The following DOCK8 variants were observed in gnomAD, a reference collection of about 807,000 sequenced individuals.
DOCK8 encodes dedicator of cytokinesis protein 8.
A neutral mutation model predicts 245.6 loss-of-function variants in DOCK8; 141 were observed. The observed-to-expected ratio is 0.57, with a 90% CI of 0.50 to 0.66. The LOEUF (loss-of-function observed/expected upper bound fraction) is 0.66. DOCK8 is among the 30% of genes least tolerant of loss of function. DOCK8 has a pLI of 0.00. For synonymous variants in DOCK8, 1,168 were observed against 970.2 expected (o/e 1.20, Z -3.79); for missense variants, 2,965 against 2,603.4 (o/e 1.14, Z -3.02).
intron 12 of DOCK8, among the ~76,000 whole-genome samples, chr9:337,983 G>T (rs1413349141): frequency 1.3e-5 from 2 of 152,006 alleles, no homozygotes; most frequent in East Asian, 3.9e-4. Context: ...GTGAACCCCC[G>T]TCTCTACTAA....
intron 4 of DOCK8, among the ~76,000 whole-genome samples, chr9:294,737 A>G (rs2049182258): frequency 6.6e-6 from 1 of 152,260 alleles, no homozygotes; most frequent in Non-Finnish European, 1.5e-5. Context: ...GATTGTACTC[A>G]GTTGGGTAGT....
intron 4 of DOCK8, among the ~76,000 whole-genome samples, chr9:300,827 G>A (rs785860): frequency 0.91 from 138,253 of 152,232 alleles, 62,826 homozygotes; most frequent in Admixed American, 0.93. Flanking sequence ...CAGACCAATA[G>A]TGAGTTCTGA....
chr9:418,031 G>T, intron 29 of DOCK8, 37 bp from the exon 30 acceptor site: 1 of 1,613,884 alleles, frequency 6.2e-7, no homozygotes, highest in Non-Finnish European at 8.5e-7. Context: ...GAAATGTCAT[G>T]TTTGACTTGA....
Position 434,941 on chromosome 9 carries a change from A to C in DOCK8, c.5045A>C (p.His1682Pro), listed in dbSNP as rs1404668054. 6.2e-7 allele frequency: 1 copy of C among 1,613,342 alleles called. No homozygotes were observed. The highest frequency in any genetic ancestry group is 1.1e-5 in the South Asian group (1 of 91,040). ...GAGTATCTGAGCATGCTGGAGGACC[A>C]CAGCTACCTGCCCGTGGGCAGTGTC... ...VAEYLSMLED[H>P]SYLPVGSVSF... Residue 1682 changes from histidine to proline, a missense_variant, in exon 39 of 48, where the codon CAC becomes CCC. Transcript: ENST00000432829.
intron 1 of DOCK8, among the ~76,000 whole-genome samples, chr9:249,379 C>T (rs536833502): frequency 3.6e-4 from 55 of 152,284 alleles, no homozygotes; most frequent in African/African-American, 1.3e-3. Flanking sequence ...AGAGGAAAGT[C>T]AGTGATGTTT....
intron 1 of DOCK8, among the ~76,000 whole-genome samples, chr9:251,435 C>A (rs2047642931): frequency 6.6e-6 from 1 of 152,192 alleles, no homozygotes; most frequent in South Asian, 2.1e-4. Context: ...GTCTCAGCAA[C>A]AAGCTAAAAC....
chr9:462,791 C>G (rs972847913), intron 46 of DOCK8, among the ~76,000 whole-genome samples: 12 of 152,228 alleles, frequency 7.9e-5, no homozygotes, highest in African/African-American at 2.9e-4. Context: ...GCCATCTGCT[C>G]TGTCTGCCAT....
intron 14 of DOCK8, among the ~76,000 whole-genome samples, chr9:357,585 C>A (rs566747230): frequency 6.9e-6 from 1 of 145,694 alleles, no homozygotes; most frequent in African/African-American, 2.8e-5. Context: ...CAATTTGATA[C>A]CATTTTTTTT....
chr9:458,584 C>T (rs756604608), intron 46 of DOCK8, among the ~76,000 whole-genome samples: 1 of 151,870 alleles, frequency 6.6e-6, no homozygotes, highest in Non-Finnish European at 1.5e-5. Context: ...CTGAGGTGGG[C>T]GGATCACTTG....
chr9:293,589 G>C (rs1267950661), intron 4 of DOCK8, among the ~76,000 whole-genome samples: 1 of 152,212 alleles, frequency 6.6e-6, no homozygotes, highest in African/African-American at 2.4e-5. Flanking sequence ...TGGGCAGGAA[G>C]GTGTGCAACA....
chr9:241,835 T>C (rs2047380314), intron 1 of DOCK8, among the ~76,000 whole-genome samples: 1 of 152,174 alleles, frequency 6.6e-6, no homozygotes, highest in Non-Finnish European at 1.5e-5. Flanking sequence ...AATTTTTTAT[T>C]TTGTTAAAGA....
chr9:250,537 G>A (rs1041769919), intron 1 of DOCK8, among the ~76,000 whole-genome samples: 1 of 152,106 alleles, frequency 6.6e-6, no homozygotes, highest in Non-Finnish European at 1.5e-5. Context: ...ATTCCCCCAT[G>A]TTTTTTCTTT....
At chr9:355,836 T>C (rs2052416644) in intron 14 of DOCK8, among the ~76,000 whole-genome samples, 1 of 151,582 alleles carries the variant, frequency 6.6e-6, no homozygotes, top group African/African-American at 2.4e-5. Context: ...CAGATCTACA[T>C]ACATATTATC....
chr9:364,252 G>A (rs2052870705), intron 14 of DOCK8, among the ~76,000 whole-genome samples: 1 of 152,074 alleles, frequency 6.6e-6, no homozygotes, highest in East Asian at 1.9e-4. Flanking sequence ...TGTTTATTAA[G>A]AATAGTCACA....
intron 28 of DOCK8, among the ~76,000 whole-genome samples, chr9:410,803 A>G (rs990877314): frequency 6.6e-6 from 1 of 152,236 alleles, no homozygotes; most frequent in Non-Finnish European, 1.5e-5. Context: ...GAAAAGAGCA[A>G]CAAAATTCAC....
At chr9:244,188 A>AG in intron 1 of DOCK8, among the ~76,000 whole-genome samples, 1 of 29,104 alleles carries the variant, frequency 3.4e-5, no homozygotes, top group South Asian at 1.5e-3. Flanking sequence ...ACTCCGTCTG[A>AG]AAAAAAAAAA....
chr9:400,193 T>C (rs1488833417), intron 26 of DOCK8, among the ~76,000 whole-genome samples: 15 of 46,886 alleles, frequency 3.2e-4, no homozygotes, highest in African/African-American at 3.6e-4. Context: ...TCCTTCACCA[T>C]CACCATCACC....
intron 4 of DOCK8, among the ~76,000 whole-genome samples, chr9:300,035 A>AG: frequency 6.8e-6 from 1 of 146,112 alleles, no homozygotes; most frequent in Non-Finnish European, 1.5e-5. Flanking sequence ...AAAAAAAAAA[A>AG]GATGGCCCAT....
chr9:357,167 T>C (rs2052485354), intron 14 of DOCK8, among the ~76,000 whole-genome samples: 1 of 152,244 alleles, frequency 6.6e-6, no homozygotes. Context: ...GAATGCTGGT[T>C]TTCCAATCTC....
Sources: allele counts gnomAD v4.1 joint callset (sites outside exome capture counted in the v4.1 genomes callset), GRCh38; gene constraint gnomAD v4.1.1; transcripts MANE v1.5; gene names NCBI Gene and HGNC (gene_info 2026-07-23, HGNC 2026-07-21).